RAB8B: variants seen among roughly 807,000 people sequenced by gnomAD.
RAB8B encodes ras-related protein Rab-8B.
RAB8B carries 11 observed loss-of-function variants against 32.0 expected under a neutral mutation model. The observed-to-expected ratio is 0.34, with a 90% confidence interval of 0.22 to 0.57. RAB8B has a LOEUF of 0.57. Among genes scored for constraint, RAB8B ranks in the 20% least tolerant of loss-of-function variants. RAB8B has a pLI of 0.86. For synonymous variants in RAB8B, 103 were observed against 89.6 expected (o/e 1.15, Z -0.85); for missense variants, 190 against 258.5 (o/e 0.73, Z 1.82).
chr15:63,233,798 G>C (rs1258465409), intron 1 of RAB8B, among the ~76,000 whole-genome samples: 2 of 152,078 alleles, frequency 1.3e-5, no homozygotes, highest in Non-Finnish European at 2.9e-5. Context: ...TTGAAACAAA[G>C]TCCTGTTTTT....
chr15:63,207,296 T>A (rs1263018716), intron 1 of RAB8B, among the ~76,000 whole-genome samples: 2 of 152,180 alleles, frequency 1.3e-5, no homozygotes, highest in Non-Finnish European at 2.9e-5. Flanking sequence ...GCGGGGCACG[T>A]ATAAGTGCTC....
chr15:63,241,281 G>A (rs1051620979), intron 1 of RAB8B, among the ~76,000 whole-genome samples: 4 of 152,198 alleles, frequency 2.6e-5, no homozygotes, highest in Non-Finnish European at 4.4e-5. Flanking sequence ...CCCAAGAGGC[G>A]AAGGTTGCGG....
intron 1 of RAB8B, among the ~76,000 whole-genome samples, chr15:63,197,345 T>TTTTC (rs1254018189): frequency 1.0e-4 from 15 of 146,490 alleles, no homozygotes; most frequent in South Asian, 2.1e-4. Context: ...TTCTTTTTTT[T>TTTTC]TTTCTTTCTT....
At chr15:63,261,609 A>G (rs1291263217) in intron 6 of RAB8B, among the ~76,000 whole-genome samples, 1 of 152,254 alleles carries the variant, frequency 6.6e-6, no homozygotes, top group East Asian at 1.9e-4. Flanking sequence ...AGCAAGGCAT[A>G]CAGATGGTAA....
At chr15:63,242,661 A>G (rs1334259908) in intron 1 of RAB8B, among the ~76,000 whole-genome samples, 1 of 152,200 alleles carries the variant, frequency 6.6e-6, no homozygotes, top group Non-Finnish European at 1.5e-5. Flanking sequence ...CTGGTGACAG[A>G]GTGAGACTCT....
At chr15:63,244,192 T>A (rs1183428135) in intron 1 of RAB8B, among the ~76,000 whole-genome samples, 1 of 152,238 alleles carries the variant, frequency 6.6e-6, no homozygotes, top group African/African-American at 2.4e-5. Flanking sequence ...TCTTCCTGTT[T>A]CAGCTCTAGC....
At chr15:63,202,562 A>G (rs770850328) in intron 1 of RAB8B, among the ~76,000 whole-genome samples, 3 of 152,186 alleles carry the variant, frequency 2.0e-5, no homozygotes, top group Non-Finnish European at 4.4e-5. Context: ...GTGAAAAGGA[A>G]ACTAATTGTA....
intron 1 of RAB8B, among the ~76,000 whole-genome samples, chr15:63,242,938 T>A (rs1225023943): frequency 6.6e-6 from 1 of 152,188 alleles, no homozygotes; most frequent in Non-Finnish European, 1.5e-5. Flanking sequence ...TATTCTATTT[T>A]TATTACATTG....
Position 63,258,786 on chromosome 15 carries a change from A to G in RAB8B, c.415-841A>G, listed in dbSNP as rs114370818. Among the ~76,000 whole-genome samples the G allele has an allele frequency of 6.8e-3, 1,031 of 152,302 alleles. 15 individuals carry two copies. The highest frequency in any genetic ancestry group is 0.024 in the African/African-American group (991 of 41,552). Reference sequence around the variant, plus strand: ...TTGGTTGCAGAAGGTGACCAATCAAAGGATGAAATGAAGTTACAAAGTTAT... The same window carrying G: ...TTGGTTGCAGAAGGTGACCAATCAAGGGATGAAATGAAGTTACAAAGTTAT... On this transcript the variant is annotated intron_variant, in intron 5 of 7. Transcript: ENST00000321437.
At chr15:63,194,948 G>A (rs1436724555) in intron 1 of RAB8B, among the ~76,000 whole-genome samples, 1 of 152,282 alleles carries the variant, frequency 6.6e-6, no homozygotes, top group Middle Eastern at 3.4e-3. Flanking sequence ...ACTATTTTTG[G>A]TTGGTAGCAT....
chr15:63,201,302 C>A (rs1454494208), intron 1 of RAB8B, among the ~76,000 whole-genome samples: 1 of 152,114 alleles, frequency 6.6e-6, no homozygotes, highest in Non-Finnish European at 1.5e-5. Context: ...AGGAAGGGCT[C>A]TAGGAGGGAA....
intron 1 of RAB8B, among the ~76,000 whole-genome samples, chr15:63,226,199 C>T (rs2037887904): frequency 6.6e-6 from 1 of 152,298 alleles, no homozygotes; most frequent in Non-Finnish European, 1.5e-5. Flanking sequence ...ATCTGATTTT[C>T]GCTAAATTTG....
At chr15:63,252,411 G>T (rs1261231102) in intron 3 of RAB8B, among the ~76,000 whole-genome samples, 1 of 152,178 alleles carries the variant, frequency 6.6e-6, no homozygotes, top group Non-Finnish European at 1.5e-5. Context: ...AATAATGTCT[G>T]CAGGATCTCC....
intron 1 of RAB8B, among the ~76,000 whole-genome samples, chr15:63,233,137 G>T (rs190401396): frequency 1.3e-5 from 2 of 149,866 alleles, no homozygotes; most frequent in Non-Finnish European, 3.0e-5. Context: ...ATAGCTCACT[G>T]CAGCCTTTAA....
rs190121647 is a variant in RAB8B, at chr15:63,252,839, C to T, written c.247-2668C>T. Among the ~76,000 whole-genome samples the T allele has an allele frequency of 3.9e-3, 589 of 151,788 alleles. 4 individuals are homozygous for T. The highest frequency in any genetic ancestry group is 0.013 in the African/African-American group (525 of 41,346). Reference sequence around the variant, plus strand: ...TCTCGGCTCACTGCAACCTCCACCTCCTGGGTTCAAGCGATTCTCCTGCCT... The same window carrying T: ...TCTCGGCTCACTGCAACCTCCACCTTCTGGGTTCAAGCGATTCTCCTGCCT... On this transcript the variant is annotated intron_variant, in intron 3 of 7. Transcript: ENST00000321437.
At chr15:63,239,855 A>C (rs191047347) in intron 1 of RAB8B, among the ~76,000 whole-genome samples, 1 of 152,184 alleles carries the variant, frequency 6.6e-6, no homozygotes, top group Non-Finnish European at 1.5e-5. Context: ...GAGTCTTCGC[A>C]TGATCTGAGA....
rs2038085505 is a variant in RAB8B, at chr15:63,248,089, G to A, written c.186-1556G>A. Among the ~76,000 whole-genome samples, 1 of 152,176 alleles carries A rather than the reference G, an allele frequency of 6.6e-6. No individual in the cohort carries two copies. The highest frequency in any genetic ancestry group is 2.1e-4 in the South Asian group (1 of 4,828). ...CTTGCCTTCCATTTCCCCATGATTT[G>A]TTAGCGGTGCAGCAAACAAGTGCCC... is the stretch of plus-strand genomic sequence containing the variant. On this transcript the variant is annotated intron_variant, in intron 2 of 7. Transcript: ENST00000321437. This position sits in a 1 kb window ranked among gnomAD's most constrained non-coding sequence, Gnocchi z 4.4.
intron 6 of RAB8B, among the ~76,000 whole-genome samples, chr15:63,262,026 TGG>T (rs1298021121): frequency 3.9e-5 from 6 of 152,162 alleles, no homozygotes; most frequent in African/African-American, 1.4e-4. Flanking sequence ...GAGTAAGACA[TGG>T]AAGATTATAC....
In RAB8B at chr15:63,265,662, T is replaced by C. The variant is rs1471222380; in HGVS notation, c.*2043T>C. ...TCTTAGTAATTTACCTCTGACTATT[T>C]GGTGTCTTAACGCTTTGGTTTATAT... On this transcript the variant is annotated 3_prime_UTR_variant, in exon 8 of 8. Coordinates refer to ENST00000321437, the MANE Select transcript of RAB8B (RefSeq NM_016530.3). The surrounding 1 kb of genome is among the most constrained non-coding windows in gnomAD (Gnocchi z 4.9). 1 of 152,624 alleles carries C rather than the reference T, an allele frequency of 6.6e-6. No individual in the cohort carries two copies. The highest frequency in any genetic ancestry group is 2.4e-5 in the African/African-American group (1 of 41,468). The allele number at this position is 152,624 out of a possible 1,614,324, so 9.5% of individuals were successfully genotyped here.
Sources: allele counts gnomAD v4.1 joint callset (sites outside exome capture counted in the v4.1 genomes callset), GRCh38; gene constraint gnomAD v4.1.1; non-coding constraint Gnocchi (gnomAD v3.1); transcripts MANE v1.5; gene names NCBI Gene and HGNC (gene_info 2026-07-23, HGNC 2026-07-21).